Variants in PSMD1 observed in about 807,000 individuals in gnomAD.
PSMD1 encodes proteasome 26S subunit, non-ATPase 1.
PSMD1 carries 18 observed loss-of-function variants against 119.0 expected under a neutral mutation model. The ratio of observed to expected loss-of-function variants is 0.15; its 90% CI spans 0.10 to 0.22. The LOEUF (loss-of-function observed/expected upper bound fraction) is 0.22. PSMD1 is among the 10% of genes least tolerant of loss of function. PSMD1 has a pLI of 1.00. For missense variants in PSMD1, 702 were observed against 1,158.5 expected (o/e 0.61, Z 5.72); for synonymous variants, 374 against 396.6 (o/e 0.94, Z 0.68).
intron 16 of PSMD1, among the ~76,000 whole-genome samples, chr2:231,131,749 G>A (rs1345366628): frequency 2.8e-5 from 1 of 36,332 alleles, no homozygotes; most frequent in Admixed American, 3.0e-4. Context: ...GCGACAGAGC[G>A]AGACTCCGTC....
chr2:231,060,065 T>G (rs1415490816), intron 1 of PSMD1, among the ~76,000 whole-genome samples: 1 of 152,246 alleles, frequency 6.6e-6, no homozygotes, highest in Non-Finnish European at 1.5e-5. Context: ...AGTGTTCTGT[T>G]ATTTAAGATC....
At chr2:231,058,542 A>G (rs560700968) in intron 1 of PSMD1, among the ~76,000 whole-genome samples, 6 of 144,632 alleles carry the variant, frequency 4.1e-5, no homozygotes, top group African/African-American at 1.6e-4. Flanking sequence ...TTTTAAGCTC[A>G]TTAGCTATCA....
chr2:231,080,359 C>G, intron 12 of PSMD1, 45 bp downstream of exon 12: 1 of 1,443,530 alleles, frequency 6.9e-7, no homozygotes, highest in Non-Finnish European at 9.4e-7. Flanking sequence ...CTCAAGAATC[C>G]AGGATAACAT....
rs1389533065 is a variant in PSMD1, at chr2:231,066,970, A to G, written c.369A>G (p.Lys123=). The change falls in exon 5 of 25, where the codon AAA becomes AAG. Residue 123 remains lysine, a synonymous_variant. Transcript: ENST00000308696. The stretch of plus-strand genomic sequence containing the variant: ...ATGCAGATTTGCCTGAAGGAGAAAA[A>G]AAACCAATTGACCAGAGATTGGAAG... The part of the protein sequence containing the change: ...VENADLPEGE[K]KPIDQRLEGI... 1.2e-6 allele frequency: 2 copies of G among 1,613,298 alleles called. No individual in the cohort carries two copies. Among genetic ancestry groups the G allele is most frequent in the African/African-American group, 1.3e-5 (1 of 74,918 alleles).
chr2:231,152,674 T>C (rs1696398853), intron 18 of PSMD1, among the ~76,000 whole-genome samples: 1 of 152,140 alleles, frequency 6.6e-6, no homozygotes, highest in Non-Finnish European at 1.5e-5. Context: ...GATAAAGTCA[T>C]TATATTAGGA....
rs1033292549 is a variant in PSMD1 at position 231,117,634 on chromosome 2, G to A, written c.1884-21102G>A. Among the ~76,000 whole-genome samples the A allele has an allele frequency of 3.3e-5, 5 of 152,170 alleles. No individual in the cohort carries two copies. In the East Asian group the frequency reaches 5.8e-4, roughly 18 times the overall value. On this transcript the variant is annotated intron_variant, in intron 16 of 24. Transcript: ENST00000308696. ...TGAAGACTGCTTTAAATTCTGCCAT[G>A]CATGAGGGATGGTAGGAGTTGTCAT...
intron 7 of PSMD1, among the ~76,000 whole-genome samples, chr2:231,073,237 G>A (rs1250678965): frequency 1.3e-5 from 2 of 152,162 alleles, no homozygotes. Flanking sequence ...GATCACTGAT[G>A]ACAGATTACC....
intron 7 of PSMD1, among the ~76,000 whole-genome samples, chr2:231,074,410 T>C (rs1462647161): frequency 6.6e-6 from 1 of 152,124 alleles, no homozygotes; most frequent in Non-Finnish European, 1.5e-5. Context: ...CCGGCCTATT[T>C]ATTTATTTTT....
At chr2:231,074,034 C>T (rs1292294862) in intron 7 of PSMD1, among the ~76,000 whole-genome samples, 1 of 151,828 alleles carries the variant, frequency 6.6e-6, no homozygotes, top group Non-Finnish European at 1.5e-5. Flanking sequence ...GGCTAGAATT[C>T]CCAATACTTA....
In PSMD1 at chr2:231,130,366, A is replaced by T. The variant is rs532364856; in HGVS notation, c.1884-8370A>T. 2.0e-5 allele frequency among the ~76,000 whole-genome samples: 3 copies of T among 152,228 alleles called. No individual in the cohort carries two copies. In the East Asian group the frequency reaches 5.8e-4, roughly 29 times the overall value. ...TCTATGCTAATAAAATTGTCTACCA[A>T]GTATTGATTTCTTTCCTCTCCACTG... On this transcript the variant is annotated intron_variant, in intron 16 of 24. Transcript: ENST00000308696.
intron 24 of PSMD1, among the ~76,000 whole-genome samples, chr2:231,171,701 C>T (rs1009707256): frequency 1.3e-5 from 2 of 152,036 alleles, no homozygotes; most frequent in African/African-American, 4.8e-5. Flanking sequence ...GGATTACAGG[C>T]ATGCGCCACC....
chr2:231,141,119 C>G (rs1268814682), intron 17 of PSMD1, among the ~76,000 whole-genome samples: 1 of 152,142 alleles, frequency 6.6e-6, no homozygotes, highest in African/African-American at 2.4e-5. Context: ...ACCAGCCTGC[C>G]TAACATGGCA....
chr2:231,154,699 A>G (rs1696447799), intron 19 of PSMD1, among the ~76,000 whole-genome samples: 1 of 151,940 alleles, frequency 6.6e-6, no homozygotes, highest in Admixed American at 6.6e-5. Flanking sequence ...GAACTCCTGG[A>G]CTCGAGCAGT....
At chr2:231,060,012 G>A (rs753072104) in intron 1 of PSMD1, among the ~76,000 whole-genome samples, 1 of 152,186 alleles carries the variant, frequency 6.6e-6, no homozygotes, top group Non-Finnish European at 1.5e-5. Context: ...GGTAAAAGCC[G>A]TTCAAATACA....
intron 16 of PSMD1, chr2:231,109,445 T>G (rs1695082706): frequency 6.4e-7 from 1 of 1,560,632 alleles, no homozygotes; most frequent in East Asian, 2.2e-5. Flanking sequence ...TTGAGTCATT[T>G]TATGACCTGT....
At chr2:231,126,131 G>C (rs747420262) in intron 16 of PSMD1, among the ~76,000 whole-genome samples, 3 of 152,080 alleles carry the variant, frequency 2.0e-5, no homozygotes, top group Non-Finnish European at 4.4e-5. Context: ...GGCAAGGTGC[G>C]GTGGCTCATT....
At chr2:231,067,189 T>C in intron 5 of PSMD1, 78 bp downstream of exon 5, 5 of 1,135,700 alleles carry the variant, frequency 4.4e-6, no homozygotes, top group Non-Finnish European at 6.1e-6. Flanking sequence ...GAAACTTTCA[T>C]AGGCAGTGAA....
In PSMD1 at chr2:231,114,039, T is replaced by C. The variant is rs1201647219; in HGVS notation, c.1884-24697T>C. On this transcript the variant is annotated intron_variant, in intron 16 of 24. Transcript: ENST00000308696. ...GTCTTTTTTGTTACTCATCTGAAAT[T>C]TTATAACTTTAACAACATAATGTTT... 1.9e-5 allele frequency: 15 copies of C among 809,760 alleles called. 1 individual carries two copies. Among genetic ancestry groups the C allele is most frequent in the Non-Finnish European group, 3.0e-5 (14 of 474,012 alleles). The allele number at this position is 809,760 out of a possible 1,614,324, so 50.2% of individuals were successfully genotyped here.
intron 18 of PSMD1, among the ~76,000 whole-genome samples, chr2:231,152,455 T>C (rs1696394975): frequency 6.6e-6 from 1 of 152,170 alleles, no homozygotes; most frequent in Non-Finnish European, 1.5e-5. Flanking sequence ...TATAATCCTA[T>C]AATAGCCATG....
Sources: allele counts gnomAD v4.1 joint callset (sites outside exome capture counted in the v4.1 genomes callset), GRCh38; gene constraint gnomAD v4.1.1; transcripts MANE v1.5; gene names NCBI Gene and HGNC (gene_info 2026-07-23, HGNC 2026-07-21).